The following CORIN variants were observed in gnomAD, a reference collection of about 807,000 sequenced individuals.
CORIN encodes the protein corin, serine peptidase, also known as atrial natriuretic peptide-converting enzyme.
Under a neutral mutation model 125.3 loss-of-function variants are expected in CORIN, and 117 were observed. The observed-to-expected ratio is 0.93, with a 90% CI of 0.80 to 1.09. The LOEUF is 1.09. CORIN is among the 50% of genes least tolerant of loss of function. The probability of loss-of-function intolerance (pLI) is 0.00; values close to 1 mark genes in which losing one functional copy is unlikely to be tolerated. For synonymous variants in CORIN, 450 were observed against 466.4 expected (o/e 0.96, Z 0.45); for missense variants, 1,253 against 1,306.7 (o/e 0.96, Z 0.63).
At chr4:47,645,048 A>G in intron 14 of CORIN, 33 bp downstream of exon 14, 1 of 1,247,590 alleles carries the variant, frequency 8.0e-7, no homozygotes, top group African/African-American at 1.5e-5. Flanking sequence ...TAAAATAAAA[A>G]TGCTCTGTTG....
intron 18 of CORIN, 44 bp downstream of exon 18, chr4:47,623,855 T>C (rs367732949): frequency 1.2e-6 from 2 of 1,606,204 alleles, no homozygotes; most frequent in Non-Finnish European, 1.7e-6. Context: ...CCAATCCAGT[T>C]CAATTAAGTT....
intron 1 of CORIN, among the ~76,000 whole-genome samples, chr4:47,822,613 T>G (rs1176783719): frequency 6.6e-6 from 1 of 152,236 alleles, no homozygotes; most frequent in Non-Finnish European, 1.5e-5. Context: ...TGGTTTAGGA[T>G]TAAATTCAGA....
intron 6 of CORIN, among the ~76,000 whole-genome samples, chr4:47,685,963 A>G (rs1248626265): frequency 3.3e-5 from 5 of 150,010 alleles, no homozygotes; most frequent in Non-Finnish European, 5.9e-5. Flanking sequence ...TCAGTGGTTC[A>G]ATCTCCTGAA....
intron 3 of CORIN, among the ~76,000 whole-genome samples, chr4:47,768,500 A>AT (rs1368893816): frequency 2.2e-4 from 33 of 152,328 alleles, no homozygotes; most frequent in African/African-American, 7.5e-4. Flanking sequence ...CCTGATACCA[A>AT]AGCCAGACAA....
chr4:47,793,407 A>T (rs903566454), intron 2 of CORIN, among the ~76,000 whole-genome samples: 4 of 152,208 alleles, frequency 2.6e-5, no homozygotes, highest in Non-Finnish European at 4.4e-5. Flanking sequence ...AGCTCTTTTT[A>T]ATGCCATTTA....
At chr4:47,641,207 A>T (rs1723217709) in intron 16 of CORIN, among the ~76,000 whole-genome samples, 1 of 152,162 alleles carries the variant, frequency 6.6e-6, no homozygotes, top group African/African-American at 2.4e-5. Context: ...GCATTTACTC[A>T]ATTTTTTATT....
intron 5 of CORIN, among the ~76,000 whole-genome samples, chr4:47,721,484 G>T (rs908993897): frequency 6.6e-6 from 1 of 152,116 alleles, no homozygotes; most frequent in African/African-American, 2.4e-5. Context: ...GGCCAGGCTG[G>T]TCTCGAACTC....
Position 47,596,820 on chromosome 4 carries a change from C to T in CORIN, c.2947-917G>A, listed in dbSNP as rs577535619. Among the ~76,000 whole-genome samples, 7 of 152,286 alleles carry T rather than the reference C, an allele frequency of 4.6e-5. No homozygotes were observed. In the South Asian group the frequency reaches 1.5e-3, roughly 32 times the overall value. On this transcript the variant is annotated intron_variant, in intron 21 of 21. Transcript: ENST00000273857. Reference sequence around the variant, plus strand: ...GTTGAAGAACATAGGACTAATGTTTCCTGATCCTCTTCTAAACATTTTCCA... The same window carrying T: ...GTTGAAGAACATAGGACTAATGTTTTCTGATCCTCTTCTAAACATTTTCCA...
At chr4:47,789,413 A>G (rs935655817) in intron 2 of CORIN, among the ~76,000 whole-genome samples, 1 of 152,254 alleles carries the variant, frequency 6.6e-6, no homozygotes, top group Non-Finnish European at 1.5e-5. Context: ...TTGGATAACA[A>G]CTTTCTTTTA....
intron 19 of CORIN, among the ~76,000 whole-genome samples, chr4:47,612,191 G>T (rs557197712): frequency 6.6e-6 from 1 of 152,198 alleles, no homozygotes; most frequent in East Asian, 1.9e-4. Flanking sequence ...CTGGTGAATA[G>T]ACTTTAGAAT....
At chr4:47,793,423 C>T (rs965966405) in intron 2 of CORIN, among the ~76,000 whole-genome samples, 1 of 151,976 alleles carries the variant, frequency 6.6e-6, no homozygotes, top group African/African-American at 2.4e-5. Flanking sequence ...ATTTAATGGA[C>T]AGTTAAAGAA....
rs143539792 is a variant in CORIN, at chr4:47,699,015, G to C, written c.800-5932C>G. On this transcript the variant is annotated intron_variant, in intron 5 of 21. Transcript: ENST00000273857. ...ATCTAGGTTCGTGTAAGTACACTCT[G>C]ATGTTTGCACATGATGAAATCACCT... Among the ~76,000 whole-genome samples, 281 of 152,284 alleles carry C rather than the reference G, an allele frequency of 1.8e-3. 1 individual carries two copies. Among genetic ancestry groups the C allele is most frequent in the African/African-American group, 5.9e-3 (246 of 41,558 alleles).
intron 5 of CORIN, among the ~76,000 whole-genome samples, chr4:47,697,767 T>C (rs540838155): frequency 6.4e-4 from 97 of 151,242 alleles, no homozygotes; most frequent in Non-Finnish European, 1.3e-3. Context: ...GGAGTGAGAA[T>C]TCCCATGAGG....
rs149932622 is a variant in CORIN at position 47,632,925 on chromosome 4, C to T, written c.2199-6404G>A. Among the ~76,000 whole-genome samples the T allele has an allele frequency of 1.3e-4, 20 of 152,192 alleles. No individual in the cohort carries two copies. The East Asian group carries it at 3.7e-3, about 28-fold the overall frequency. On this transcript the variant is annotated intron_variant, in intron 16 of 21. Coordinates refer to ENST00000273857, the MANE Select transcript of CORIN (RefSeq NM_006587.4). ...CTCCTGGGTAGCTGGGGACTACAGG[C>T]TCATGCGACCACGCCCGGCTAATTT...
At chr4:47,703,508 C>A (rs536243566) in intron 5 of CORIN, among the ~76,000 whole-genome samples, 2 of 152,298 alleles carry the variant, frequency 1.3e-5, no homozygotes, top group South Asian at 4.1e-4. Flanking sequence ...TAAAGGTAAT[C>A]TTGTAGAAAA....
At chr4:47,809,119 T>C (rs926701289) in intron 1 of CORIN, among the ~76,000 whole-genome samples, 7 of 152,200 alleles carry the variant, frequency 4.6e-5, no homozygotes, top group Admixed American at 1.3e-4. Flanking sequence ...CTGTTACGAG[T>C]TAAAAAAAGT....
chr4:47,600,374 T>A, intron 20 of CORIN, 27 bp from the exon 21 acceptor site: 1 of 1,546,556 alleles, frequency 6.5e-7, no homozygotes, highest in South Asian at 1.2e-5. Flanking sequence ...TAAGAATATA[T>A]ATATGATGAT....
chr4:47,666,159 T>C (rs568568489), intron 10 of CORIN, among the ~76,000 whole-genome samples: 1 of 152,316 alleles, frequency 6.6e-6, no homozygotes, highest in Non-Finnish European at 1.5e-5. Flanking sequence ...GAAACCTTCC[T>C]GGCCAACCAC....
intron 8 of CORIN, among the ~76,000 whole-genome samples, chr4:47,679,078 T>C (rs576808662): frequency 6.6e-6 from 1 of 152,376 alleles, no homozygotes; most frequent in East Asian, 1.9e-4. Flanking sequence ...ATAATCAACT[T>C]TCTTACTTTT....
Sources: allele counts gnomAD v4.1 joint callset (sites outside exome capture counted in the v4.1 genomes callset), GRCh38; gene constraint gnomAD v4.1.1; transcripts MANE v1.5; gene names NCBI Gene and HGNC (gene_info 2026-07-23, HGNC 2026-07-21).